The following EVA1C variants were observed in gnomAD, a reference collection of about 807,000 sequenced individuals.
EVA1C encodes protein eva-1 homolog C.
In EVA1C, 25 loss-of-function variants were observed where a neutral mutation model predicts 45.4. The observed-to-expected ratio is 0.55, with a 90% CI of 0.40 to 0.77. The LOEUF (loss-of-function observed/expected upper bound fraction) is 0.77. EVA1C is among the 30% of genes least tolerant of loss of function. EVA1C has a pLI of 0.00. For synonymous variants in EVA1C, 190 were observed against 221.2 expected (o/e 0.86, Z 1.25); for missense variants, 479 against 554.8 (o/e 0.86, Z 1.37).
intron 4 of EVA1C, among the ~76,000 whole-genome samples, chr21:32,489,819 T>C (rs1440865038): frequency 2.0e-5 from 3 of 149,802 alleles, no homozygotes; most frequent in Non-Finnish European, 3.0e-5. Flanking sequence ...TTTCACCTCT[T>C]TGGTTAAATT....
intron 4 of EVA1C, among the ~76,000 whole-genome samples, chr21:32,473,749 ATGCAGTGATGCACCAAG>A (rs2036461895): frequency 6.6e-6 from 1 of 152,170 alleles, no homozygotes; most frequent in South Asian, 2.1e-4. Flanking sequence ...CCAGGCTGGA[ATGCAGTGATGCACCAAG>A]TGCAGCCTTC....
chr21:32,415,566 G>A (rs988642319), intron 1 of EVA1C, among the ~76,000 whole-genome samples: 15 of 151,880 alleles, frequency 9.9e-5, no homozygotes, highest in African/African-American at 3.1e-4. Flanking sequence ...AGCTGGTGTC[G>A]TTTTCCTGGG....
intron 4 of EVA1C, among the ~76,000 whole-genome samples, chr21:32,491,268 G>A (rs546685810): frequency 3.3e-5 from 5 of 152,258 alleles, no homozygotes; most frequent in South Asian, 2.1e-4. Flanking sequence ...GGAGAATAAC[G>A]GCTGTGAAGG....
At chr21:32,442,413 T>A (rs924640429) in intron 1 of EVA1C, among the ~76,000 whole-genome samples, 4 of 152,118 alleles carry the variant, frequency 2.6e-5, no homozygotes, top group Non-Finnish European at 5.9e-5. Context: ...GGGTGTGTAG[T>A]GCCAGTCCTG....
chr21:32,456,208 A>C (rs1325867283), intron 2 of EVA1C, among the ~76,000 whole-genome samples: 1 of 152,050 alleles, frequency 6.6e-6, no homozygotes, highest in Non-Finnish European at 1.5e-5. Flanking sequence ...TGTGTCTTTT[A>C]AGCTGCACTC....
chr21:32,461,362 C>T (rs1232106228), intron 3 of EVA1C, among the ~76,000 whole-genome samples: 3 of 152,196 alleles, frequency 2.0e-5, no homozygotes, highest in Non-Finnish European at 4.4e-5. Context: ...CCTCTGGCTG[C>T]CCCATAGAGA....
chr21:32,450,985 G>A (rs1185146853), intron 1 of EVA1C, among the ~76,000 whole-genome samples: 1 of 152,168 alleles, frequency 6.6e-6, no homozygotes, highest in African/African-American at 2.4e-5. Flanking sequence ...GAAAAAAGGA[G>A]TTTCAGCAAG....
intron 1 of EVA1C, among the ~76,000 whole-genome samples, chr21:32,434,295 C>T (rs1474613277): frequency 6.9e-6 from 1 of 145,532 alleles, no homozygotes; most frequent in African/African-American, 2.6e-5. Flanking sequence ...GATTCTGTCT[C>T]AAAATAAATA....
At chr21:32,417,249 T>G (rs2034084101) in intron 1 of EVA1C, among the ~76,000 whole-genome samples, 1 of 152,230 alleles carries the variant, frequency 6.6e-6, no homozygotes, top group Non-Finnish European at 1.5e-5. Flanking sequence ...ACTGGGTGGC[T>G]TACACAAGGA....
chr21:32,431,677 A>G (rs111233812), intron 1 of EVA1C, among the ~76,000 whole-genome samples: 1 of 151,170 alleles, frequency 6.6e-6, no homozygotes. Context: ...TTCCAGACAC[A>G]GAAGCGTTGC....
chr21:32,510,895 C>T (rs945930896), intron 7 of EVA1C, among the ~76,000 whole-genome samples: 1 of 152,080 alleles, frequency 6.6e-6, no homozygotes. Context: ...AAAAAGTTAG[C>T]TAGGCATGGT....
chr21:32,452,006 G>A lies in EVA1C; in HGVS notation c.161-1306G>A, dbSNP rs1262495491. On this transcript the variant is annotated intron_variant, in intron 1 of 7. Coordinates refer to ENST00000300255, the MANE Select transcript of EVA1C (RefSeq NM_058187.5). This position sits in a 1 kb window ranked among gnomAD's most constrained non-coding sequence, Gnocchi z 4.0. ...CCCTTGGAGCAGGCCCCTTCTCTACGCAGGGCACCCTGCCTGTCTTTCCTC... is the reference window on the plus strand; with the variant it reads ...CCCTTGGAGCAGGCCCCTTCTCTACACAGGGCACCCTGCCTGTCTTTCCTC... 6.6e-6 allele frequency among the ~76,000 whole-genome samples: 1 copy of A among 152,132 alleles called. No homozygotes were observed. The highest frequency in any genetic ancestry group is 1.5e-5 in the Non-Finnish European group (1 of 68,014).
In EVA1C at chr21:32,501,508, G is replaced by A; in HGVS notation, c.859+13G>A. 3.1e-6 allele frequency: 5 copies of A among 1,593,772 alleles called. No homozygotes were observed. The highest frequency in any genetic ancestry group is 4.2e-6 in the Non-Finnish European group (5 of 1,178,228). On this transcript the variant is annotated intron_variant, in intron 6 of 7. Transcript: ENST00000300255. ...GATGGTGAATATGGTAATTTTTATGGCTTACTACCAGCATTTCTCTTTAAG... is the reference window on the plus strand; with the variant it reads ...GATGGTGAATATGGTAATTTTTATGACTTACTACCAGCATTTCTCTTTAAG...
At chr21:32,427,738 C>A (rs929451964) in intron 1 of EVA1C, among the ~76,000 whole-genome samples, 2 of 151,528 alleles carry the variant, frequency 1.3e-5, no homozygotes, top group African/African-American at 2.4e-5. Context: ...TAGGCAGAGG[C>A]CAGGCACAGT....
intron 7 of EVA1C, among the ~76,000 whole-genome samples, chr21:32,509,895 G>C (rs1423659999): frequency 6.6e-6 from 1 of 151,826 alleles, no homozygotes; most frequent in Non-Finnish European, 1.5e-5. Context: ...AGTGAGGAAT[G>C]GCAGGCTAGA....
intron 1 of EVA1C, among the ~76,000 whole-genome samples, chr21:32,425,193 G>A (rs1284893001): frequency 6.6e-6 from 1 of 151,578 alleles, no homozygotes; most frequent in African/African-American, 2.4e-5. Flanking sequence ...AATTAGTTGG[G>A]TGTGGTGGCA....
chr21:32,511,394 T>C (rs2037942352), intron 7 of EVA1C, among the ~76,000 whole-genome samples: 1 of 109,952 alleles, frequency 9.1e-6, no homozygotes. Context: ...CACTCCAGCC[T>C]GGGCAACTGA....
At chr21:32,488,736 C>T (rs1365552420) in intron 4 of EVA1C, among the ~76,000 whole-genome samples, 1 of 152,142 alleles carries the variant, frequency 6.6e-6, no homozygotes, top group Non-Finnish European at 1.5e-5. Context: ...CAGGCACACG[C>T]CACCACACCT....
chr21:32,508,146 C>T (rs2833859), intron 7 of EVA1C, among the ~76,000 whole-genome samples: 95,113 of 152,178 alleles, frequency 0.63, 32,012 homozygotes, highest in African/African-American at 0.89. Flanking sequence ...AGGGGACTTA[C>T]GTATTTAGAC....
Sources: allele counts gnomAD v4.1 joint callset (sites outside exome capture counted in the v4.1 genomes callset), GRCh38; gene constraint gnomAD v4.1.1; non-coding constraint Gnocchi (gnomAD v3.1); transcripts MANE v1.5; gene names NCBI Gene and HGNC (gene_info 2026-07-23, HGNC 2026-07-21).